The following TOM1 variants were observed in gnomAD, a reference collection of about 807,000 sequenced individuals.
The protein encoded by TOM1 is target of myb1 membrane trafficking protein, also known as target of Myb protein 1.
In TOM1, 38 loss-of-function variants were observed where a neutral mutation model predicts 61.3. The observed-to-expected ratio is 0.62, with a 90% CI of 0.48 to 0.81. The LOEUF is 0.81. TOM1 is among the 40% of genes least tolerant of loss of function. The pLI is 0.00. For synonymous variants in TOM1, 270 were observed against 268.8 expected (o/e 1.00, Z -0.04); for missense variants, 591 against 659.6 (o/e 0.90, Z 1.14).
Position 35,332,977 on chromosome 22 carries a change from G to A in TOM1, c.900-4G>A, listed in dbSNP as rs373904125. The A allele has an allele frequency of 1.9e-6, 3 of 1,614,032 alleles. No homozygotes were observed. The highest frequency in any genetic ancestry group is 1.3e-5 in the African/African-American group (1 of 74,906). Reference sequence around the variant, plus strand: ...CCATAACTCGTGTCTTTTCTGTCTTGTAGGTTTGAACGGTTCCGAACAGGC... The same window carrying A: ...CCATAACTCGTGTCTTTTCTGTCTTATAGGTTTGAACGGTTCCGAACAGGC... On this transcript the variant is annotated splice_region_variant and splice_polypyrimidine_tract_variant and intron_variant, in intron 8 of 14. Coordinates refer to ENST00000449058, the MANE Select transcript of TOM1 (RefSeq NM_005488.3).
intron 1 of TOM1, among the ~76,000 whole-genome samples, chr22:35,314,629 G>A (rs1234845336): frequency 6.6e-6 from 1 of 152,184 alleles, no homozygotes; most frequent in Non-Finnish European, 1.5e-5. Context: ...GTTTTCAGGG[G>A]GTACTGGGGA....
upstream of TOM1, chr22:35,299,766 G>A (rs1925538206): frequency 4.0e-6 from 3 of 751,462 alleles, no homozygotes; most frequent in Admixed American, 8.4e-5. Flanking sequence ...CCTCGGGGGC[G>A]GGACCCTGGC....
At chr22:35,321,839 A>G (rs780807621) in intron 2 of TOM1, 120 bp from the exon 3 acceptor site, 2 of 878,698 alleles carry the variant, frequency 2.3e-6, no homozygotes, top group Non-Finnish European at 3.9e-6. Context: ...GGCTGGATAC[A>G]CAAAACAGGT....
intron 6 of TOM1, 46 bp from the exon 7 acceptor site, chr22:35,327,224 GC>G: frequency 1.3e-6 from 2 of 1,569,426 alleles, no homozygotes. Context: ...AGTAACATGG[GC>G]CCCAGAACCC....
chr22:35,346,282 G>A (rs371323267), intron 13 of TOM1, among the ~76,000 whole-genome samples: 26 of 152,234 alleles, frequency 1.7e-4, no homozygotes, highest in African/African-American at 6.0e-4. Flanking sequence ...GAAGGGGCAG[G>A]GCCAGACTCA....
chr22:35,339,078 C>G (rs975728992), intron 12 of TOM1, among the ~76,000 whole-genome samples: 2 of 152,232 alleles, frequency 1.3e-5, no homozygotes, highest in East Asian at 1.9e-4. Flanking sequence ...CACCTGTAAT[C>G]CCAGCACTTC....
In TOM1 at chr22:35,332,666, C is replaced by T. The variant is rs139185210; in HGVS notation, c.900-315C>T. On this transcript the variant is annotated intron_variant, in intron 8 of 14. Transcript: ENST00000449058. ...CATAAGACAGTCCTTACCTTTACTG[C>T]GTGCCATGCATTCCTATTTTCTTTG... 2.8e-3 allele frequency among the ~76,000 whole-genome samples: 421 copies of T among 152,186 alleles called. 3 individuals carry two copies. The highest frequency in any genetic ancestry group is 9.7e-3 in the African/African-American group (401 of 41,510).
At chr22:35,339,088 C>T (rs562819229) in intron 12 of TOM1, among the ~76,000 whole-genome samples, 5 of 152,076 alleles carry the variant, frequency 3.3e-5, no homozygotes, top group East Asian at 1.9e-4. Flanking sequence ...CCCAGCACTT[C>T]GGGAGGCTGA....
chr22:35,313,072 G>A (rs138775), intron 1 of TOM1, among the ~76,000 whole-genome samples: 76,365 of 151,838 alleles, frequency 0.5, 22,726 homozygotes, highest in Non-Finnish European at 0.66. Flanking sequence ...GGACACAGTG[G>A]GCAGTGGCTC....
intron 10 of TOM1, among the ~76,000 whole-genome samples, 176 bp downstream of exon 10, chr22:35,333,673 C>T (rs564506270): frequency 2.8e-4 from 43 of 152,314 alleles, no homozygotes; most frequent in African/African-American, 9.9e-4. Context: ...GTCACTGCCC[C>T]TGGCAGCCCC....
chr22:35,305,559 C>T (rs1377597498), intron 1 of TOM1, among the ~76,000 whole-genome samples: 2 of 151,840 alleles, frequency 1.3e-5, no homozygotes, highest in African/African-American at 4.8e-5. Context: ...ACTTGGGAGG[C>T]TGAGGCAGGA....
chr22:35,302,972 A>G (rs2145599914), intron 1 of TOM1, among the ~76,000 whole-genome samples: 1 of 152,188 alleles, frequency 6.6e-6, no homozygotes, highest in East Asian at 1.9e-4. Context: ...CTGCAGGAGT[A>G]CCATCTCTTC....
At chr22:35,312,114 G>A (rs554375870) in intron 1 of TOM1, among the ~76,000 whole-genome samples, 22 of 152,064 alleles carry the variant, frequency 1.4e-4, no homozygotes, top group African/African-American at 4.1e-4. Flanking sequence ...AAAATTAGGC[G>A]GGCGCCTGTA....
intron 12 of TOM1, among the ~76,000 whole-genome samples, chr22:35,343,525 A>C (rs1252741752): frequency 7.7e-6 from 1 of 129,244 alleles, no homozygotes; most frequent in Non-Finnish European, 1.6e-5. Context: ...ACCTACACAC[A>C]CCACACACAC....
Position 35,317,971 on chromosome 22 carries a change from C to A in TOM1, c.137+10C>A, listed in dbSNP as rs764555099. On this transcript the variant is annotated intron_variant, in intron 2 of 14. Transcript: ENST00000449058. ...ACGAGACGGAGGAAGGGTAAGGGCC[C>A]CCCAAGGAGAGGTTGGGGGCAGAGA... 5.0e-6 allele frequency: 8 copies of A among 1,612,458 alleles called. No homozygotes were observed. The East Asian group carries it at 1.8e-4, about 36-fold the overall frequency.
At chr22:35,320,301 G>A (rs925124437) in intron 2 of TOM1, among the ~76,000 whole-genome samples, 9 of 152,158 alleles carry the variant, frequency 5.9e-5, no homozygotes, top group Admixed American at 3.3e-4. Context: ...GGGTGCAAGT[G>A]GGGGCCCTGC....
At chr22:35,343,856 CTGCATATACCACCCCTACACACTCA>C (rs1930251755) in intron 12 of TOM1, among the ~76,000 whole-genome samples, 1 of 147,316 alleles carries the variant, frequency 6.8e-6, no homozygotes, top group Admixed American at 6.8e-5. Flanking sequence ...ATACACACCC[CTGCATATACCACCCCTACACACTCA>C]TACACCTACA....
intron 6 of TOM1, among the ~76,000 whole-genome samples, chr22:35,326,971 T>C (rs559865154): frequency 6.6e-6 from 1 of 152,306 alleles, no homozygotes; most frequent in Non-Finnish European, 1.5e-5. Flanking sequence ...AGGGCCTTGT[T>C]AGCTGCTGTG....
In TOM1 at chr22:35,322,004, T is replaced by A; in HGVS notation, c.183T>A (p.Asn61Lys). The change falls in exon 3 of 15, where the codon AAT becomes AAA. Residue 61 changes from asparagine (N) to lysine (K), a missense_variant. Transcript: ENST00000449058. ...CAGTAAAGAAGAGAATCGTGGGGAA[T>A]AAGAACTTCCACGAGGTGATGCTGG... ...LRAVKKRIVG[N>K]KNFHEVMLAL... 6.2e-7 allele frequency: 1 copy of A among 1,614,114 alleles called. No homozygotes were observed. Among genetic ancestry groups the A allele is most frequent in the Non-Finnish European group, 8.5e-7 (1 of 1,180,010 alleles).
Sources: allele counts gnomAD v4.1 joint callset (sites outside exome capture counted in the v4.1 genomes callset), GRCh38; gene constraint gnomAD v4.1.1; transcripts MANE v1.5; gene names NCBI Gene and HGNC (gene_info 2026-07-23, HGNC 2026-07-21).